CAMSAP2: variants seen among roughly 807,000 people sequenced by gnomAD.
The protein encoded by CAMSAP2 is calmodulin regulated spectrin associated protein family member 2, also known as calmodulin-regulated spectrin-associated protein 2.
CAMSAP2 carries 26 observed loss-of-function variants against 146.1 expected under a neutral mutation model. The observed-to-expected ratio is 0.18, with a 90% confidence interval of 0.13 to 0.25. The LOEUF (loss-of-function observed/expected upper bound fraction) is 0.25, where lower values mean the gene tolerates loss of function less well. Among genes scored for constraint, CAMSAP2 ranks in the 10% least tolerant of loss-of-function variants. The pLI is 1.00. For synonymous variants in CAMSAP2, 499 were observed against 596.6 expected (o/e 0.84, Z 2.38); for missense variants, 1,381 against 1,759.3 (o/e 0.78, Z 3.85).
intron 2 of CAMSAP2, among the ~76,000 whole-genome samples, chr1:200,803,598 C>A (rs925802832): frequency 1.4e-5 from 2 of 144,360 alleles, no homozygotes; most frequent in Non-Finnish European, 3.1e-5. Context: ...TTATCACTAT[C>A]ATATTGTAAA....
chr1:200,833,728 T>C (rs1667103254), intron 6 of CAMSAP2, among the ~76,000 whole-genome samples: 1 of 152,204 alleles, frequency 6.6e-6, no homozygotes, highest in African/African-American at 2.4e-5. Context: ...AATTTTTGAA[T>C]TAAAAAATTA....
intron 2 of CAMSAP2, among the ~76,000 whole-genome samples, chr1:200,789,217 G>C (rs931622326): frequency 6.6e-6 from 1 of 151,952 alleles, no homozygotes; most frequent in Non-Finnish European, 1.5e-5. Context: ...ATTTTTTCAT[G>C]GATTGTGCAT....
intron 2 of CAMSAP2, among the ~76,000 whole-genome samples, chr1:200,765,422 G>A (rs980502111): frequency 7.9e-5 from 12 of 151,962 alleles, no homozygotes; most frequent in African/African-American, 2.7e-4. Flanking sequence ...GTAGAGATGG[G>A]GTTTCACCAT....
chr1:200,775,101 C>T (rs1051183873), intron 2 of CAMSAP2, among the ~76,000 whole-genome samples: 3 of 152,198 alleles, frequency 2.0e-5, no homozygotes, highest in Non-Finnish European at 4.4e-5. Context: ...GGAACAGGCT[C>T]TTTTCATAGG....
chr1:200,760,170 G>A (rs149664166), intron 1 of CAMSAP2, among the ~76,000 whole-genome samples: 1 of 152,302 alleles, frequency 6.6e-6, no homozygotes, highest in African/African-American at 2.4e-5. Context: ...GGGTGCCCAG[G>A]AAGTCTTTTT....
intron 1 of CAMSAP2, among the ~76,000 whole-genome samples, chr1:200,757,827 T>C (rs542686303): frequency 1.2e-3 from 183 of 152,346 alleles, no homozygotes; most frequent in African/African-American, 4.3e-3. Flanking sequence ...CTGTGGATCC[T>C]TTCCCTTTTC....
At position 200,841,224 on chromosome 1, in the gene CAMSAP2, G is replaced by A. The variant is rs143683747; in HGVS notation, c.928-770G>A. Among the ~76,000 whole-genome samples the A allele has an allele frequency of 1.2e-3, 190 of 152,284 alleles. 1 individual carries two copies. Among genetic ancestry groups the A allele is most frequent in the African/African-American group, 4.3e-3 (180 of 41,564 alleles). ...TATTTAGCACCTGTATTACTGGTGA[G>A]TTTAACATTACTGAGCACATACATA... On this transcript the variant is annotated intron_variant, in intron 6 of 16. Coordinates refer to ENST00000358823, the MANE Select transcript of CAMSAP2 (RefSeq NM_203459.4).
chr1:200,816,757 TGTGTGTAC>T (rs1666519297), intron 4 of CAMSAP2, among the ~76,000 whole-genome samples: 1 of 128,628 alleles, frequency 7.8e-6, no homozygotes, highest in Admixed American at 7.6e-5. Flanking sequence ...CGTGTATATA[TGTGTGTAC>T]ACACACACGC....
chr1:200,820,921 C>A (rs1449321843), intron 4 of CAMSAP2, among the ~76,000 whole-genome samples: 1 of 152,018 alleles, frequency 6.6e-6, no homozygotes, highest in South Asian at 2.1e-4. Flanking sequence ...TAATTTTTAA[C>A]GTATAATTTT....
chr1:200,766,758 G>C (rs752285986), intron 2 of CAMSAP2, among the ~76,000 whole-genome samples: 18 of 152,244 alleles, frequency 1.2e-4, no homozygotes, highest in Non-Finnish European at 2.5e-4. Context: ...CTAGGGAATA[G>C]GTAGATGGGA....
chr1:200,851,414 C>T (rs1287153288), intron 11 of CAMSAP2, among the ~76,000 whole-genome samples: 1 of 152,124 alleles, frequency 6.6e-6, no homozygotes, highest in African/African-American at 2.4e-5. Flanking sequence ...AGGCTGGTCT[C>T]GAACTCCCAA....
intron 2 of CAMSAP2, among the ~76,000 whole-genome samples, chr1:200,776,082 T>G (rs1365233017): frequency 6.6e-6 from 1 of 152,198 alleles, no homozygotes; most frequent in Non-Finnish European, 1.5e-5. Flanking sequence ...AGAAGCTTCT[T>G]TTTTATACCA....
At position 200,849,613 on chromosome 1, in the gene CAMSAP2, C is replaced by G; in HGVS notation, c.2844C>G (p.Phe948Leu). Reference sequence around the variant, plus strand: ...GCCTGTCATCAGCCATTGCACCATTCTCCTCAGACTCCCCTCGTCCTACTC... The same window carrying G: ...GCCTGTCATCAGCCATTGCACCATTGTCCTCAGACTCCCCTCGTCCTACTC... The part of the protein sequence containing the change: ...QAGLSSAIAP[F>L]SSDSPRPTHP... Residue 948 changes from phenylalanine to leucine, a missense_variant, in exon 11 of 17, where the codon TTC (phenylalanine) becomes TTG (leucine). This residue lies in a region of CAMSAP2 where 560 missense variants were observed against 715.9 expected (regional missense o/e 0.78). Transcript: ENST00000358823. This position sits in a 1 kb window ranked among gnomAD's most constrained non-coding sequence, Gnocchi z 6.3. 6.2e-7 allele frequency: 1 copy of G among 1,614,206 alleles called. No homozygotes were observed. The highest frequency in any genetic ancestry group is 8.5e-7 in the Non-Finnish European group (1 of 1,180,026).
intron 2 of CAMSAP2, among the ~76,000 whole-genome samples, chr1:200,788,979 C>T (rs2103029535): frequency 6.6e-6 from 1 of 152,152 alleles, no homozygotes; most frequent in African/African-American, 2.4e-5. Context: ...GCTTACTTGC[C>T]ATCTTTATAT....
chr1:200,777,173 T>C (rs562450170), intron 2 of CAMSAP2, among the ~76,000 whole-genome samples: 2 of 152,256 alleles, frequency 1.3e-5, no homozygotes, highest in East Asian at 1.9e-4. Context: ...GACCTTTGAC[T>C]CCTTTGAATA....
In CAMSAP2 at chr1:200,844,803, C is replaced by A; in HGVS notation, c.1043C>A (p.Pro348His). Residue 348 changes from proline to histidine, a missense_variant, in exon 8 of 17, where the codon CCT (proline) becomes CAT (histidine). Pro to His is a moderately conservative substitution (Grantham distance 77, BLOSUM62 -2). Coordinates refer to ENST00000358823, the MANE Select transcript of CAMSAP2 (RefSeq NM_203459.4). The part of the protein sequence containing the change: ...PQGAEPVKDM[P>H]SIPVLNAAKR... ...CCAGCTGAACCTGTAAAAGATATGC[C>A]TTCAATTCCTGTCTTGAATGCTGCC... The A allele has an allele frequency of 6.3e-7, 1 of 1,591,668 alleles. No individual in the cohort carries two copies. The highest frequency in any genetic ancestry group is 8.5e-7 in the Non-Finnish European group (1 of 1,171,716).
At chr1:200,750,887 G>A (rs1664484376) in intron 1 of CAMSAP2, among the ~76,000 whole-genome samples, 1 of 145,018 alleles carries the variant, frequency 6.9e-6, no homozygotes, top group African/African-American at 2.5e-5. Flanking sequence ...ATAGGCATGA[G>A]CCACCGCGCC....
intron 2 of CAMSAP2, among the ~76,000 whole-genome samples, chr1:200,802,091 T>G (rs1383302494): frequency 2.0e-5 from 3 of 152,272 alleles, no homozygotes; most frequent in Admixed American, 1.3e-4. Flanking sequence ...TAAACCAAGA[T>G]AGTTCTATAT....
chr1:200,819,312 T>C (rs528873539), intron 4 of CAMSAP2, among the ~76,000 whole-genome samples: 9 of 152,324 alleles, frequency 5.9e-5, no homozygotes, highest in African/African-American at 2.2e-4. Flanking sequence ...CTTCTAATAC[T>C]TCTTTTGATT....
Sources: allele counts gnomAD v4.1 joint callset (sites outside exome capture counted in the v4.1 genomes callset), GRCh38; gene constraint gnomAD v4.1.1; regional missense constraint gnomAD v4.1.1; non-coding constraint Gnocchi (gnomAD v3.1); transcripts MANE v1.5; gene names NCBI Gene and HGNC (gene_info 2026-07-23, HGNC 2026-07-21).